Variants in ACBD3 observed in about 807,000 individuals in gnomAD.
The protein encoded by ACBD3 is Golgi resident protein GCP60.
ACBD3 carries 30 observed loss-of-function variants against 66.9 expected under a neutral mutation model. The observed-to-expected ratio is 0.45, with a 90% CI of 0.34 to 0.61. ACBD3 has a LOEUF of 0.61. ACBD3 is among the 20% of genes least tolerant of loss of function. ACBD3 has a pLI of 0.02. For missense variants in ACBD3, 544 were observed against 664.5 expected (o/e 0.82, Z 1.99); for synonymous variants, 278 against 259.8 (o/e 1.07, Z -0.68).
At chr1:226,165,715 C>G (rs906815560) in intron 2 of ACBD3, 144 bp downstream of exon 2, 1 of 800,738 alleles carries the variant, frequency 1.2e-6, no homozygotes, top group African/African-American at 1.8e-5. Context: ...AGATAAATAT[C>G]TGAAGACTCC....
chr1:226,164,481 G>A (rs1369761100), intron 3 of ACBD3, among the ~76,000 whole-genome samples: 1 of 152,194 alleles, frequency 6.6e-6, no homozygotes, highest in Non-Finnish European at 1.5e-5. Context: ...GGATAGGGAG[G>A]AGGGAGTGGT....
In ACBD3 at chr1:226,146,803, T is replaced by C. The variant is rs1157543300; in HGVS notation, c.1394A>G (p.Glu465Gly). The change falls in exon 8 of 8, where the codon GAG becomes GGG. Residue 465 changes from glutamate (E) to glycine (G), a missense_variant. Glu to Gly is a moderately conservative substitution (Grantham distance 98, BLOSUM62 -2). Around this residue, in one of 3 missense-constraint regions of ACBD3, gnomAD observed 383 missense variants for 462.4 expected, o/e 0.83. Coordinates refer to ENST00000366812, the MANE Select transcript of ACBD3 (RefSeq NM_022735.4). ...EEEEENIGCE[E>G]KAKKNANKPL... Reference sequence around the variant, plus strand: ...CTTGTTGGCATTCTTTTTGGCTTTCTCTTCACAACCGATGTTTTCTGTAAG... The same window carrying C: ...CTTGTTGGCATTCTTTTTGGCTTTCCCTTCACAACCGATGTTTTCTGTAAG... The C allele has an allele frequency of 1.9e-6, 3 of 1,614,180 alleles. No individual in the cohort carries two copies. Among genetic ancestry groups the C allele is most frequent in the Non-Finnish European group, 2.5e-6 (3 of 1,180,018 alleles).
At chr1:226,167,735 A>G (rs1456746297) in intron 1 of ACBD3, among the ~76,000 whole-genome samples, 1 of 152,226 alleles carries the variant, frequency 6.6e-6, no homozygotes, top group Non-Finnish European at 1.5e-5. Context: ...GTGAAATAAA[A>G]TCACTAATAA....
rs377567212 is a variant in ACBD3 at position 226,186,709 on chromosome 1, C to T, written c.-34G>A. On this transcript the variant is annotated 5_prime_UTR_variant, in exon 1 of 8. Coordinates refer to ENST00000366812, the MANE Select transcript of ACBD3 (RefSeq NM_022735.4). The stretch of plus-strand genomic sequence containing the variant: ...GCTGCACCTCCTCAGCGGGGACAGA[C>T]GGCAGCCACGTATCGACTTCCTGCT... 1.0e-5 allele frequency: 15 copies of T among 1,445,860 alleles called. No individual in the cohort carries two copies. Among genetic ancestry groups the T allele is most frequent in the Middle Eastern group, 2.3e-4 (1 of 4,346 alleles). 89.6% of individuals were successfully genotyped at this position (1,445,860 alleles called of 1,614,324 possible).
intron 3 of ACBD3, among the ~76,000 whole-genome samples, chr1:226,163,210 C>T (rs1659803526): frequency 6.6e-6 from 1 of 152,192 alleles, no homozygotes. Context: ...TACTCTTAAA[C>T]ACTTTAAAAT....
Position 226,186,403 on chromosome 1 carries a change from C to A in ACBD3, c.273G>T (p.Leu91=). 6.6e-7 allele frequency: 1 copy of A among 1,520,780 alleles called. No homozygotes were observed. The highest frequency in any genetic ancestry group is 8.8e-7 in the Non-Finnish European group (1 of 1,134,612). 94.2% of individuals were successfully genotyped at this position (1,520,780 alleles called of 1,614,324 possible). Residue 91 remains leucine (L), a synonymous_variant, in exon 1 of 8, where the codon CTG becomes CTT. Transcript: ENST00000366812. ...FGLEELYGLA[L]RFFKEKDGKA... ...GGCCCGGCTCACCTTTGAAGAAGCG[C>A]AGTGCCAGGCCGTACAACTCCTCCA...
At chr1:226,152,798 T>C (rs1375785820) in intron 6 of ACBD3, among the ~76,000 whole-genome samples, 179 bp from the exon 7 acceptor site, 1 of 152,214 alleles carries the variant, frequency 6.6e-6, no homozygotes, top group African/African-American at 2.4e-5. Flanking sequence ...CAGATTACTA[T>C]GTTTAACAAT....
At chr1:226,175,108 AAAAG>A (rs1656001020) in intron 1 of ACBD3, among the ~76,000 whole-genome samples, 2 of 151,284 alleles carry the variant, frequency 1.3e-5, no homozygotes, top group African/African-American at 2.4e-5. Context: ...AAAAAAAAAA[AAAAG>A]AAAGAAAAAG....
chr1:226,153,070 A>C (rs1262469025), intron 6 of ACBD3, among the ~76,000 whole-genome samples: 2 of 152,176 alleles, frequency 1.3e-5, no homozygotes, highest in Non-Finnish European at 2.9e-5. Flanking sequence ...AACTATCCCA[A>C]AGTTCTAGGG....
intron 5 of ACBD3, among the ~76,000 whole-genome samples, chr1:226,156,635 C>G (rs1050255644): frequency 1.3e-5 from 2 of 152,144 alleles, no homozygotes; most frequent in African/African-American, 4.8e-5. Context: ...AAGCCAATTA[C>G]TTAAATGAAT....
intron 5 of ACBD3, among the ~76,000 whole-genome samples, chr1:226,158,335 C>T (rs1659711808): frequency 6.6e-6 from 1 of 152,146 alleles, no homozygotes; most frequent in Non-Finnish European, 1.5e-5. Context: ...GTAAGTTAAA[C>T]TAAGCTACGT....
At position 226,173,785 on chromosome 1, in the gene ACBD3, G is replaced by A. The variant is rs1655933613; in HGVS notation, c.287-7785C>T. Among the ~76,000 whole-genome samples, 3 of 102,986 alleles carry A rather than the reference G, an allele frequency of 2.9e-5. No homozygotes were observed. In the South Asian group the frequency reaches 9.3e-4, roughly 32 times the overall value. 67.6% of individuals were successfully genotyped at this position (102,986 alleles called of 152,430 possible). On this transcript the variant is annotated intron_variant, in intron 1 of 7. Transcript: ENST00000366812. ...TTTTTTTTTTTTTTTTTTTGAGACA[G>A]AGTCTCACTCTGTTGCCCAGGCTGG... is the stretch of plus-strand genomic sequence containing the variant.
chr1:226,166,816 T>C (rs1659886069), intron 1 of ACBD3, among the ~76,000 whole-genome samples: 1 of 151,554 alleles, frequency 6.6e-6, no homozygotes, highest in Non-Finnish European at 1.5e-5. Context: ...AAGCCAACTA[T>C]CAATACTTAT....
chr1:226,148,527 G>A (rs555585708), intron 7 of ACBD3, among the ~76,000 whole-genome samples: 1 of 152,266 alleles, frequency 6.6e-6, no homozygotes, highest in East Asian at 1.9e-4. Flanking sequence ...AAATAGACTG[G>A]TCCATTGATT....
chr1:226,147,841 G>A (rs1456331591), intron 7 of ACBD3, among the ~76,000 whole-genome samples: 2 of 152,144 alleles, frequency 1.3e-5, no homozygotes, highest in African/African-American at 2.4e-5. Context: ...AACCAGCTTC[G>A]AAGTCACAGT....
intron 3 of ACBD3, 25 bp downstream of exon 3, chr1:226,164,764 A>C (rs1315844894): frequency 6.2e-7 from 1 of 1,602,258 alleles, no homozygotes; most frequent in East Asian, 2.2e-5. Flanking sequence ...GCAGCAATAA[A>C]GTATTCCATG....
At chr1:226,176,429 C>CA (rs34313392) in intron 1 of ACBD3, among the ~76,000 whole-genome samples, 34,848 of 82,974 alleles carry the variant, frequency 0.42, 7,406 homozygotes, top group South Asian at 0.62. Context: ...GACTCCGTCT[C>CA]AAAAAAAAAA....
intron 1 of ACBD3, among the ~76,000 whole-genome samples, chr1:226,174,028 A>T (rs747219149): frequency 6.6e-6 from 1 of 151,772 alleles, no homozygotes. Context: ...AGCCCCGAAG[A>T]CCTGGGATTA....
intron 1 of ACBD3, among the ~76,000 whole-genome samples, chr1:226,175,091 C>CAAAAAAAAAAAA (rs35201518): frequency 1.3e-5 from 1 of 75,996 alleles, no homozygotes; most frequent in Non-Finnish European, 2.6e-5. Flanking sequence ...GACTCCATCT[C>CAAAAAAAAAAAA]AAAAAAAAAA....
Sources: gnomAD v4.1 joint callset for allele counts (sites outside exome capture counted in the v4.1 genomes callset) on GRCh38, gnomAD v4.1.1 for gene constraint, gnomAD v4.1.1 regional missense constraint, MANE v1.5 for transcripts, NCBI Gene and HGNC (gene_info 2026-07-23, HGNC 2026-07-21) for gene names.